The following PRKD1 variants were observed in gnomAD, a reference collection of about 807,000 sequenced individuals.
PRKD1 encodes the protein protein kinase D1.
Under a neutral mutation model 95.9 loss-of-function variants are expected in PRKD1, and 63 were observed. The observed-to-expected ratio is 0.66, with a 90% CI of 0.54 to 0.81. The LOEUF (loss-of-function observed/expected upper bound fraction) is 0.81, where lower values mean the gene tolerates loss of function less well. Among genes scored for constraint, PRKD1 ranks in the 30% least tolerant of loss-of-function variants. PRKD1 has a pLI of 0.00. For missense variants in PRKD1, 1,048 were observed against 1,165.3 expected (o/e 0.90, Z 1.47); for synonymous variants, 425 against 423.1 (o/e 1.00, Z -0.05).
intron 1 of PRKD1, among the ~76,000 whole-genome samples, chr14:29,814,917 G>C (rs893881210): frequency 6.6e-6 from 1 of 152,154 alleles, no homozygotes; most frequent in Admixed American, 6.5e-5. Flanking sequence ...ACAGTGTAAA[G>C]GATGGTTTAA....
intron 1 of PRKD1, among the ~76,000 whole-genome samples, chr14:29,847,692 C>A (rs1275699405): frequency 2.0e-5 from 3 of 152,158 alleles, no homozygotes; most frequent in Non-Finnish European, 2.9e-5. Flanking sequence ...TATCAGCTAG[C>A]CCGTTTAAGA....
intron 1 of PRKD1, among the ~76,000 whole-genome samples, chr14:29,880,163 A>G (rs1296155827): frequency 1.3e-5 from 2 of 152,192 alleles, no homozygotes; most frequent in Admixed American, 1.3e-4. Flanking sequence ...AGAGACCTTC[A>G]TGGCAGCCCC....
intron 1 of PRKD1, among the ~76,000 whole-genome samples, chr14:29,735,732 A>G (rs1461707144): frequency 6.6e-6 from 1 of 152,142 alleles, no homozygotes; most frequent in Admixed American, 6.5e-5. Flanking sequence ...GAACCCCTCT[A>G]TATTTCATTT....
At chr14:29,872,958 C>G (rs994491428) in intron 1 of PRKD1, among the ~76,000 whole-genome samples, 3 of 152,206 alleles carry the variant, frequency 2.0e-5, no homozygotes, top group African/African-American at 7.2e-5. Context: ...CTAGGATAAA[C>G]TATCACCATA....
At chr14:29,872,834 G>A (rs560387065) in intron 1 of PRKD1, among the ~76,000 whole-genome samples, 1 of 152,092 alleles carries the variant, frequency 6.6e-6, no homozygotes, top group African/African-American at 2.4e-5. Context: ...GTATTTAGAA[G>A]CTGTTATTTA....
At chr14:29,846,300 G>C (rs905747722) in intron 1 of PRKD1, among the ~76,000 whole-genome samples, 5 of 152,128 alleles carry the variant, frequency 3.3e-5, no homozygotes, top group Admixed American at 6.5e-5. Flanking sequence ...CAAAAAAACT[G>C]ATAAGGAAAA....
chr14:29,909,980 A>C (rs957208101), intron 1 of PRKD1, among the ~76,000 whole-genome samples: 1 of 152,168 alleles, frequency 6.6e-6, no homozygotes, highest in African/African-American at 2.4e-5. Context: ...AAAACAGACC[A>C]ATCAGCTCTC....
At chr14:29,605,467 C>T (rs1011966514) in intron 13 of PRKD1, among the ~76,000 whole-genome samples, 5 of 152,174 alleles carry the variant, frequency 3.3e-5, no homozygotes, top group African/African-American at 1.2e-4. Flanking sequence ...ACATACTACC[C>T]TTCAGCCTGA....
At chr14:29,631,326 G>A (rs1026145019) in intron 9 of PRKD1, among the ~76,000 whole-genome samples, 3 of 152,188 alleles carry the variant, frequency 2.0e-5, no homozygotes, top group African/African-American at 4.8e-5. Context: ...GAAAATAAGC[G>A]ATAATTTTTG....
chr14:29,620,762 G>C (rs1185835093), intron 13 of PRKD1, among the ~76,000 whole-genome samples: 2 of 152,194 alleles, frequency 1.3e-5, no homozygotes, highest in Non-Finnish European at 2.9e-5. Flanking sequence ...GTGGAAGTCA[G>C]TGTGGCGATT....
chr14:29,769,581 TA>T (rs1323459668), intron 1 of PRKD1, among the ~76,000 whole-genome samples: 1 of 151,718 alleles, frequency 6.6e-6, no homozygotes, highest in Admixed American at 6.6e-5. Flanking sequence ...AATAAATAAA[TA>T]AGAGAGAGAG....
intron 16 of PRKD1, among the ~76,000 whole-genome samples, chr14:29,578,768 C>A (rs1892657298): frequency 6.6e-6 from 1 of 151,940 alleles, no homozygotes; most frequent in Non-Finnish European, 1.5e-5. Context: ...ATAAAACATG[C>A]TGAACGTTTG....
At chr14:29,755,273 T>A (rs2139471681) in intron 1 of PRKD1, among the ~76,000 whole-genome samples, 1 of 152,246 alleles carries the variant, frequency 6.6e-6, no homozygotes, top group Admixed American at 6.5e-5. Flanking sequence ...TTTTTAAAAG[T>A]GTTTTCCCAT....
intron 1 of PRKD1, among the ~76,000 whole-genome samples, chr14:29,762,964 G>A (rs1888068761): frequency 6.6e-6 from 1 of 151,702 alleles, no homozygotes; most frequent in South Asian, 2.1e-4. Context: ...GGCTGATCTT[G>A]AACTCGTGGC....
intron 1 of PRKD1, among the ~76,000 whole-genome samples, chr14:29,796,660 T>C (rs1566606586): frequency 1.3e-5 from 2 of 152,110 alleles, no homozygotes; most frequent in African/African-American, 2.4e-5. Context: ...TCTAGGAAGA[T>C]ACATGTCTCT....
At chr14:29,787,536 C>T (rs963394309) in intron 1 of PRKD1, among the ~76,000 whole-genome samples, 1 of 152,030 alleles carries the variant, frequency 6.6e-6, no homozygotes, top group Non-Finnish European at 1.5e-5. Flanking sequence ...ATATTTACAA[C>T]TGTTATACCC....
Position 29,597,706 on chromosome 14 carries a change from C to T in PRKD1, c.2219G>A (p.Arg740Gln), listed in dbSNP as rs752897300. The change falls in exon 16 of 18, where the codon CGG (arginine) becomes CAG (glutamine). Residue 740 changes from arginine to glutamine, a missense_variant. This residue lies in a region of PRKD1 where 739 missense variants were observed against 861.9 expected (regional missense o/e 0.86). Transcript: ENST00000331968. ...FARIIGEKSF[R>Q]RSVVGTPAYL... ...AGCGGGGGTACCCACCACTGACCTCCGGAAAGACTTCTCTCCAATGATCCG... is the reference window on the plus strand; with the variant it reads ...AGCGGGGGTACCCACCACTGACCTCTGGAAAGACTTCTCTCCAATGATCCG... 4.3e-6 allele frequency: 7 copies of T among 1,613,630 alleles called. No homozygotes were observed. Among genetic ancestry groups the T allele is most frequent in the Admixed American group, 1.7e-5 (1 of 59,898 alleles).
chr14:29,716,727 T>A (rs1357031859), intron 2 of PRKD1, among the ~76,000 whole-genome samples: 1 of 152,134 alleles, frequency 6.6e-6, no homozygotes, highest in Non-Finnish European at 1.5e-5. Context: ...CAAGAATATT[T>A]AGGAAGAAAA....
intron 1 of PRKD1, among the ~76,000 whole-genome samples, chr14:29,913,434 G>GACA (rs928624570): frequency 2.6e-5 from 4 of 152,092 alleles, no homozygotes; most frequent in African/African-American, 4.8e-5. Context: ...GACTGTCCTG[G>GACA]ACAACAGAGC....
Sources: allele counts gnomAD v4.1 joint callset (sites outside exome capture counted in the v4.1 genomes callset), GRCh38; gene constraint gnomAD v4.1.1; regional missense constraint gnomAD v4.1.1; transcripts MANE v1.5; gene names NCBI Gene and HGNC (gene_info 2026-07-23, HGNC 2026-07-21).